Variants in EP400 observed in about 807,000 individuals in gnomAD.
EP400 encodes the protein E1A binding protein p400.
In EP400, 105 loss-of-function variants were observed where a neutral mutation model predicts 354.1. The ratio of observed to expected loss-of-function variants is 0.30; its 90% CI spans 0.25 to 0.35. The LOEUF is 0.35. Ranked by LOEUF, EP400 falls within the 10% of genes least tolerant of loss-of-function variation. EP400 has a pLI of 1.00. For synonymous variants in EP400, 1,646 were observed against 1,716.9 expected (o/e 0.96, Z 1.02); for missense variants, 3,280 against 4,121.0 (o/e 0.80, Z 5.59).
At position 132,044,708 on chromosome 12, in the gene EP400, T is replaced by G; in HGVS notation, c.6623T>G (p.Val2208Gly). The change falls in exon 36 of 53, where the codon GTC (valine) becomes GGC (glycine). Residue 2208 changes from valine (V) to glycine (G), a missense_variant. Val to Gly is a moderately radical substitution (Grantham distance 109, BLOSUM62 -3). Around this residue, in one of 20 missense-constraint regions of EP400, gnomAD observed 231 missense variants for 257.9 expected, o/e 0.90. Transcript: ENST00000389561. ...VYEDVDGQTE[V>G]MPLWTPPTPP... ...GAAGATGTCGATGGGCAGACAGAAG[T>G]CATGCCGGTGAGTGCTGCCCTCTCC... is the stretch of plus-strand genomic sequence containing the variant. 3.1e-6 allele frequency: 5 copies of G among 1,614,174 alleles called. No individual in the cohort carries two copies. Among genetic ancestry groups the G allele is most frequent in the Non-Finnish European group, 4.2e-6 (5 of 1,180,030 alleles).
chr12:131,963,504 CT>C, intron 2 of EP400: 3 of 1,547,368 alleles, frequency 1.9e-6, no homozygotes, highest in Admixed American at 1.7e-5. Context: ...ATTATGTTGC[CT>C]TTTTTTCTCA....
At chr12:131,989,613 G>A (rs187127396) in intron 7 of EP400, among the ~76,000 whole-genome samples, 1 of 152,336 alleles carries the variant, frequency 6.6e-6, no homozygotes, top group African/African-American at 2.4e-5. Context: ...AACTGGTGCA[G>A]CATTCATGAA....
Position 131,960,770 on chromosome 12 carries a change from C to T in EP400, c.151C>T (p.Pro51Ser), listed in dbSNP as rs764505736. Reference protein sequence around the residue: ...PFAPSASPSAPQSPSYQIQQL... With the variant: ...PFAPSASPSASQSPSYQIQQL... ...CGCTCCCTCAGCAAGCCCGTCGGCA[C>T]CCCAGTCTCCCAGTTATCAAATACA... Residue 51 changes from proline (P) to serine (S), a missense_variant, in exon 2 of 53, where the codon CCC becomes TCC. By Grantham distance (74) the Pro-to-Ser change is moderately conservative. This residue lies in a region of EP400 where 172 missense variants were observed against 242.9 expected (regional missense o/e 0.71). Transcript: ENST00000389561. 1.9e-6 allele frequency: 3 copies of T among 1,612,026 alleles called. No individual in the cohort carries two copies. Among genetic ancestry groups the T allele is most frequent in the South Asian group, 1.1e-5 (1 of 91,014 alleles).
intron 15 of EP400, among the ~76,000 whole-genome samples, chr12:132,007,420 C>G (rs1893620572): frequency 6.6e-6 from 1 of 152,242 alleles, no homozygotes; most frequent in East Asian, 1.9e-4. Context: ...TGCATGGCAG[C>G]CCCAACTGGC....
rs78706430 is a variant in EP400, at chr12:132,015,314, T to C, written c.3923+1401T>C. On this transcript the variant is annotated intron_variant, in intron 19 of 52. Coordinates refer to ENST00000389561, the MANE Select transcript of EP400 (RefSeq NM_015409.5). ...CCAAGCATTGTAGAAACTTTGTATG[T>C]GTGGACAGAAACCGCTTTGCCATGT... Among the ~76,000 whole-genome samples, 1,084 of 152,344 alleles carry C rather than the reference T, an allele frequency of 7.1e-3. 35 individuals are homozygous for C. In the South Asian group the frequency reaches 0.094, roughly 13 times the overall value.
intron 29 of EP400, 42 bp from the exon 30 acceptor site, chr12:132,031,911 A>G (rs749607905): frequency 1.8e-5 from 28 of 1,555,846 alleles, no homozygotes; most frequent in South Asian, 8.3e-5. Flanking sequence ...GTTTCCCAAC[A>G]TTTTCCAAGA....
chr12:132,045,168 G>T, intron 37 of EP400, 151 bp from the exon 38 acceptor site: 1 of 1,343,054 alleles, frequency 7.4e-7, no homozygotes, highest in Non-Finnish European at 1.0e-6. Flanking sequence ...GACCATGAAG[G>T]CCCGAAAGCA....
intron 2 of EP400, among the ~76,000 whole-genome samples, chr12:131,968,210 C>T (rs576043721): frequency 3.9e-5 from 6 of 152,164 alleles, no homozygotes; most frequent in South Asian, 2.1e-4. Flanking sequence ...TGTGTTGTCT[C>T]GTAGAAGTTT....
chr12:132,066,457 G>A (rs1024027867), intron 48 of EP400: 10 of 284,138 alleles, frequency 3.5e-5, no homozygotes, highest in Non-Finnish European at 5.2e-5. Context: ...TGGGAAAAAC[G>A]GGACAGGATG....
At chr12:131,950,599 C>T (rs189392117) in intron 1 of EP400, among the ~76,000 whole-genome samples, 2 of 152,300 alleles carry the variant, frequency 1.3e-5, no homozygotes, top group Admixed American at 6.5e-5. Context: ...CGAATCCGCT[C>T]CTTCTCGGCG....
In EP400 at chr12:132,027,642, T is replaced by G. The variant is rs1034118368; in HGVS notation, c.5109+111T>G. ...GGCTCCTGTGAATTCTCAAGTGATG[T>G]TACTGAATTCTTATTTTAAAACACA... On this transcript the variant is annotated intron_variant, in intron 26 of 52. Coordinates refer to ENST00000389561, the MANE Select transcript of EP400 (RefSeq NM_015409.5). This position sits in a 1 kb window ranked among gnomAD's most constrained non-coding sequence, Gnocchi z 4.9. 1 of 847,192 alleles carries G rather than the reference T, an allele frequency of 1.2e-6. No homozygotes were observed. Among genetic ancestry groups the G allele is most frequent in the South Asian group, 1.9e-5 (1 of 53,628 alleles). The allele number at this position is 847,192 out of a possible 1,614,324, so 52.5% of individuals were successfully genotyped here.
At chr12:132,049,379 G>C (rs560525361) in intron 39 of EP400, among the ~76,000 whole-genome samples, 5 of 152,360 alleles carry the variant, frequency 3.3e-5, no homozygotes, top group African/African-American at 1.2e-4. Flanking sequence ...TTCCCTGTAT[G>C]GTACAGTGTT....
At position 132,008,810 on chromosome 12, in the gene EP400, G is replaced by T. The variant is rs139346688; in HGVS notation, c.3304+1933G>T. Among the ~76,000 whole-genome samples, 240 of 151,360 alleles carry T rather than the reference G, an allele frequency of 1.6e-3. 2 individuals are homozygous for T. Among genetic ancestry groups the T allele is most frequent in the Middle Eastern group, 6.8e-3 (2 of 292 alleles). ...TTTTTTTGTATTTTTGGTAGAGACA[G>T]GGTTTCATTATGTTGCCCAGGCTGG... On this transcript the variant is annotated intron_variant, in intron 15 of 52. Transcript: ENST00000389561.
chr12:132,017,800 A>G lies in EP400; in HGVS notation c.4110+79A>G. ...ATTATAGATAAAACCATTCTTGGAAATGGGTTCTCAACCAGCTCTTCTGCA... is the reference window on the plus strand; with the variant it reads ...ATTATAGATAAAACCATTCTTGGAAGTGGGTTCTCAACCAGCTCTTCTGCA... On this transcript the variant is annotated intron_variant, in intron 20 of 52. Transcript: ENST00000389561. The surrounding 1 kb of genome is among the most constrained non-coding windows in gnomAD (Gnocchi z 5.0). 7.1e-7 allele frequency: 1 copy of G among 1,411,648 alleles called. No homozygotes were observed. The highest frequency in any genetic ancestry group is 9.4e-7 in the Non-Finnish European group (1 of 1,066,138). The allele number at this position is 1,411,648 out of a possible 1,614,324, so 87.4% of individuals were successfully genotyped here. A position where few individuals can be genotyped will look rare whatever the true frequency, so the allele number is the denominator to read the frequency against.
chr12:132,067,246 C>CAT lies in EP400; in HGVS notation c.8750-114_8750-113dup. On this transcript the variant is annotated intron_variant, in intron 49 of 52. Coordinates refer to ENST00000389561, the MANE Select transcript of EP400 (RefSeq NM_015409.5). The surrounding 1 kb of genome is among the most constrained non-coding windows in gnomAD (Gnocchi z 5.3). ...AGTTAAGGGATGGCTTACTTGTCTC[C>CAT]ATAGAGTTTCATAGTTTGTTATTTT... 6.9e-7 allele frequency: 1 copy of CAT among 1,447,214 alleles called. No homozygotes were observed. The highest frequency in any genetic ancestry group is 9.3e-7 in the Non-Finnish European group (1 of 1,071,466). The allele number at this position is 1,447,214 out of a possible 1,614,324, so 89.6% of individuals were successfully genotyped here. A position where few individuals can be genotyped will look rare whatever the true frequency, so the allele number is the denominator to read the frequency against.
intron 37 of EP400, 137 bp downstream of exon 37, chr12:132,045,090 T>A: frequency 7.2e-7 from 1 of 1,381,454 alleles, no homozygotes; most frequent in Non-Finnish European, 9.7e-7. Context: ...GCCCATCCGC[T>A]GCCTCTCAGG....
rs753945454 is a variant in EP400 at position 132,005,174 on chromosome 12, C to T, written c.2925C>T (p.Ser975=). ...CGAAGCCTGATGGGGAGGACACAAG[C>T]GGAGAGGAAGGTGCGCTCCCAGCCT... ...PRPKPDGEDT[S]GEEDADDCPG... Residue 975 remains serine, a synonymous_variant, in exon 13 of 53, where the codon AGC becomes AGT. Transcript: ENST00000389561. 10 of 1,574,232 alleles carry T rather than the reference C, an allele frequency of 6.4e-6. No homozygotes were observed. The Admixed American group carries it at 9.3e-5, about 15-fold the overall frequency.
chr12:132,034,402 A>G (rs1894624140), intron 30 of EP400, among the ~76,000 whole-genome samples: 1 of 152,224 alleles, frequency 6.6e-6, no homozygotes. Context: ...AGTTTCTCCA[A>G]AGTAATACTA....
At position 132,018,240 on chromosome 12, in the gene EP400, G is replaced by A. The variant is rs775394113; in HGVS notation, c.4141G>A (p.Gly1381Ser). The A allele has an allele frequency of 5.0e-6, 8 of 1,612,948 alleles. No homozygotes were observed. The highest frequency in any genetic ancestry group is 2.2e-5 in the East Asian group (1 of 44,844). ...EADLSMFDLI[G>S]LENKITRHEA... ...AGATCTTTCTATGTTTGATCTCATC[G>A]GCTTAGAAAATAAAATCACTCGTCA... Residue 1381 changes from glycine to serine, a missense_variant, in exon 21 of 53, where the codon GGC becomes AGC. Gly to Ser is a moderately conservative substitution (Grantham distance 56). Transcript: ENST00000389561. The surrounding 1 kb of genome is among the most constrained non-coding windows in gnomAD (Gnocchi z 4.0).
Sources: gnomAD v4.1 joint callset for allele counts (sites outside exome capture counted in the v4.1 genomes callset) on GRCh38, gnomAD v4.1.1 for gene constraint, gnomAD v4.1.1 regional missense constraint, Gnocchi (gnomAD v3.1) non-coding constraint, MANE v1.5 for transcripts, NCBI Gene and HGNC (gene_info 2026-07-23, HGNC 2026-07-21) for gene names.